Variants in CD36 observed in about 807,000 individuals in gnomAD.
The protein encoded by CD36 is CD36 molecule (CD36 blood group).
CD36 carries 119 observed loss-of-function variants against 55.2 expected under a neutral mutation model. The observed-to-expected ratio is 2.15, with a 90% confidence interval of 1.86 to 2.51. CD36 has a LOEUF of 2.51. Among genes scored for constraint, CD36 ranks in the 30% most tolerant of loss-of-function variants. The pLI is 0.00. For synonymous variants in CD36, 186 were observed against 193.6 expected (o/e 0.96, Z 0.33); for missense variants, 819 against 555.5 (o/e 1.47, Z -4.77).
chr7:80,609,356 C>T (rs1722508), intron 1 of CD36, among the ~76,000 whole-genome samples: 4,694 of 152,240 alleles, frequency 0.031, 94 homozygotes, highest in African/African-American at 0.057. Context: ...TATACCCTCT[C>T]CCACTCTGTA....
rs147077527 is a variant in CD36 at position 80,653,853 on chromosome 7, T to C, written c.121-2687T>C. Among the ~76,000 whole-genome samples, 186 of 152,274 alleles carry C rather than the reference T, an allele frequency of 1.2e-3. 2 individuals carry two copies. In the East Asian group the frequency reaches 0.03, roughly 24 times the overall value. On this transcript the variant is annotated intron_variant, in intron 3 of 14. Coordinates refer to ENST00000447544, the MANE Select transcript of CD36 (RefSeq NM_001001548.3). Reference sequence around the variant, plus strand: ...ATTATTACTACTTCGACTACTTCAATATTTTTCTCTATGTCTCTAAACAAA... The same window carrying C: ...ATTATTACTACTTCGACTACTTCAACATTTTTCTCTATGTCTCTAAACAAA...
At chr7:80,621,710 G>A (rs1793480959) in intron 1 of CD36, among the ~76,000 whole-genome samples, 1 of 152,104 alleles carries the variant, frequency 6.6e-6, no homozygotes, top group Non-Finnish European at 1.5e-5. Flanking sequence ...CTAGTAACAG[G>A]CCACTAGTAA....
chr7:80,621,452 A>G lies in CD36; in HGVS notation c.-184+19073A>G, dbSNP rs1793466537. 3.3e-5 allele frequency among the ~76,000 whole-genome samples: 5 copies of G among 152,346 alleles called. No homozygotes were observed. The South Asian group carries it at 1.0e-3, about 32-fold the overall frequency. On this transcript the variant is annotated intron_variant, in intron 1 of 13. Transcript: ENST00000309881. ...TTTATAGAATGCTTTGGGACAAATA[A>G]TACATGGAAGCATTTAACATGATAG...
At chr7:80,666,150 GAGATCTAAGTTTCTGAT>G in intron 7 of CD36, 2 of 362,328 alleles carry the variant, frequency 5.5e-6, no homozygotes, top group Non-Finnish European at 1.0e-5. Context: ...CCCCTAAGTA[GAGATCTAAGTTTCTGAT>G]AAATGTTTTT....
upstream of CD36, among the ~76,000 whole-genome samples, chr7:80,633,696 C>T (rs1331876223): frequency 6.6e-6 from 1 of 151,932 alleles, no homozygotes; most frequent in African/African-American, 2.4e-5. Flanking sequence ...GAGCTGGCAA[C>T]TGAAAAATGT....
At chr7:80,650,519 A>G (rs997906) in intron 3 of CD36, among the ~76,000 whole-genome samples, 3 of 151,902 alleles carry the variant, frequency 2.0e-5, no homozygotes, top group Non-Finnish European at 2.9e-5. Context: ...TTTCACAAAC[A>G]TATGGGTTTT....
At chr7:80,614,015 G>T (rs1369825878) in intron 1 of CD36, among the ~76,000 whole-genome samples, 2 of 152,116 alleles carry the variant, frequency 1.3e-5, no homozygotes, top group Admixed American at 6.5e-5. Context: ...GGGATATTTT[G>T]TATGCCCGGC....
chr7:80,628,016 T>G (rs1793846287), intron 1 of CD36, among the ~76,000 whole-genome samples: 1 of 152,030 alleles, frequency 6.6e-6, no homozygotes, highest in African/African-American at 2.4e-5. Context: ...ATCTGTTCTT[T>G]ATTCCATTAC....
intron 12 of CD36, 39 bp from the exon 13 acceptor site, chr7:80,673,316 A>C (rs900890964): frequency 1.1e-6 from 1 of 885,926 alleles, no homozygotes; most frequent in African/African-American, 1.7e-5. Context: ...TATAAATATT[A>C]GTTTATATGT....
In CD36 at chr7:80,656,624, G is replaced by A. The variant is rs751997938; in HGVS notation, c.205G>A (p.Asp69Asn). 6.2e-7 allele frequency: 1 copy of A among 1,613,744 alleles called. No homozygotes were observed. Among genetic ancestry groups the A allele is most frequent in the Admixed American group, 1.7e-5 (1 of 59,992 alleles). Residue 69 changes from aspartate (D) to asparagine (N), a missense_variant, in exon 4 of 15, where the codon GAT becomes AAT. Transcript: ENST00000447544. ...TEVYRQFWIFDVQNPQEVMMN... is the reference protein window; with the variant it reads ...TEVYRQFWIFNVQNPQEVMMN... ...AGTTTACAGACAGTTTTGGATCTTT[G>A]ATGTGCAAAATCCACAGGAAGTGAT... is the stretch of plus-strand genomic sequence containing the variant.
At chr7:80,634,519 C>T (rs774790523), upstream of CD36, among the ~76,000 whole-genome samples, 9 of 151,894 alleles carry the variant, frequency 5.9e-5, no homozygotes, top group Admixed American at 2.6e-4. Context: ...ATAGGTTATC[C>T]CATTTAACAA....
rs894830699 is a variant in CD36, at chr7:80,653,167, T to G, written c.121-3373T>G. On this transcript the variant is annotated intron_variant, in intron 3 of 14. Coordinates refer to ENST00000447544, the MANE Select transcript of CD36 (RefSeq NM_001001548.3). ...TAGGGAAGAAGCCACTATACCTTGT[T>G]AGGGTGGGGATAGGGTAAAAAAATC... 2.6e-5 allele frequency among the ~76,000 whole-genome samples: 4 copies of G among 152,256 alleles called. No individual in the cohort carries two copies. The South Asian group carries it at 8.3e-4, about 32-fold the overall frequency.
chr7:80,635,958 G>T (rs1021331326), upstream of CD36, among the ~76,000 whole-genome samples: 1 of 152,088 alleles, frequency 6.6e-6, no homozygotes, highest in Non-Finnish European at 1.5e-5. Flanking sequence ...GTTCAGTGGT[G>T]AATTAAACAG....
chr7:80,606,584 A>G (rs1213359021), intron 1 of CD36, among the ~76,000 whole-genome samples: 1 of 152,166 alleles, frequency 6.6e-6, no homozygotes, highest in African/African-American at 2.4e-5. Flanking sequence ...TGTGCTTGCT[A>G]CTGTGCTCAG....
At chr7:80,613,919 AT>A (rs1364167534) in intron 1 of CD36, among the ~76,000 whole-genome samples, 4 of 152,166 alleles carry the variant, frequency 2.6e-5, no homozygotes, top group African/African-American at 7.2e-5. Context: ...TAATTAGCTA[AT>A]GTGCTTTTGG....
At position 80,656,663 on chromosome 7, in the gene CD36, A is replaced by G; in HGVS notation, c.244A>G (p.Asn82Asp). 3 of 1,613,738 alleles carry G rather than the reference A, an allele frequency of 1.9e-6. No homozygotes were observed. The highest frequency in any genetic ancestry group is 2.5e-6 in the Non-Finnish European group (3 of 1,179,828). ...ACAGGAAGTGATGATGAACAGCAGC[A>G]ACATTCAAGTTAAGCAAAGAGGTCC... ...NPQEVMMNSS[N>D]IQVKQRGPYT... The change falls in exon 4 of 15, where the codon AAC becomes GAC. Residue 82 changes from asparagine to aspartate, a missense_variant. Transcript: ENST00000447544.
At chr7:80,672,659 C>T in intron 11 of CD36, 111 bp from the exon 12 acceptor site, 1 of 730,768 alleles carries the variant, frequency 1.4e-6, no homozygotes, top group South Asian at 1.6e-5. Context: ...TCAATTAGTC[C>T]TGTTTAACCT....
intron 3 of CD36, among the ~76,000 whole-genome samples, chr7:80,649,237 C>T (rs1795414166): frequency 6.6e-6 from 1 of 151,932 alleles, no homozygotes. Flanking sequence ...CTCACCTAGC[C>T]AATAGGGAAA....
chr7:80,607,326 T>C (rs1792613875), intron 1 of CD36, among the ~76,000 whole-genome samples: 1 of 152,202 alleles, frequency 6.6e-6, no homozygotes, highest in Admixed American at 6.5e-5. Flanking sequence ...GCAACAGCTA[T>C]GAAGCTTGCC....
Sources: allele counts gnomAD v4.1 joint callset (sites outside exome capture counted in the v4.1 genomes callset), GRCh38; gene constraint gnomAD v4.1.1; transcripts MANE v1.5; gene names NCBI Gene and HGNC (gene_info 2026-07-23, HGNC 2026-07-21).